Variants in RBFOX1 observed in about 807,000 individuals in gnomAD.
RBFOX1 encodes RNA binding protein fox-1 homolog 1.
Under a neutral mutation model 57.7 loss-of-function variants are expected in RBFOX1, and 8 were observed. The ratio of observed to expected loss-of-function variants is 0.14; its 90% CI spans 0.08 to 0.25. RBFOX1 has a LOEUF of 0.25. Ranked by LOEUF, RBFOX1 falls within the 10% of genes least tolerant of loss-of-function variation. The pLI, the probability that RBFOX1 is intolerant of heterozygous loss-of-function variation, is 1.00. For missense variants in RBFOX1, 611 were observed against 548.5 expected (o/e 1.11, Z -1.14); for synonymous variants, 326 against 222.4 (o/e 1.47, Z -4.15).
intron 1 of RBFOX1, among the ~76,000 whole-genome samples, chr16:6,189,458 G>A (rs1210019991): frequency 2.0e-5 from 3 of 152,156 alleles, no homozygotes; most frequent in South Asian, 2.1e-4. Context: ...TTGGGTTGCC[G>A]GGGCTAATTG....
At chr16:6,968,062 C>G (rs141419175) in intron 3 of RBFOX1, among the ~76,000 whole-genome samples, 2 of 152,244 alleles carry the variant, frequency 1.3e-5, no homozygotes, top group East Asian at 1.9e-4. Context: ...GTGCTTGGGT[C>G]TGACCCTCGG....
chr16:6,907,009 C>G (rs766418493), intron 3 of RBFOX1, among the ~76,000 whole-genome samples: 7 of 152,124 alleles, frequency 4.6e-5, no homozygotes, highest in Non-Finnish European at 8.8e-5. Flanking sequence ...CAGGCATGAG[C>G]CACCGCACCC....
intron 2 of RBFOX1, among the ~76,000 whole-genome samples, chr16:6,450,837 GTGTATATATATATATATATATATATA>G (rs2094598264): frequency 2.8e-4 from 6 of 21,726 alleles, no homozygotes; most frequent in Admixed American, 1.4e-3. Context: ...ATATATATAT[GTGTATATATATATATATATATATATA>G]TATATATATA....
chr16:7,143,192 A>T (rs531720891), intron 4 of RBFOX1, among the ~76,000 whole-genome samples: 1 of 152,218 alleles, frequency 6.6e-6, no homozygotes, highest in Non-Finnish European at 1.5e-5. Context: ...AAGGCATCTG[A>T]TTCAGGGTGA....
At chr16:7,453,023 G>T (rs947099489) in intron 4 of RBFOX1, among the ~76,000 whole-genome samples, 1 of 151,940 alleles carries the variant, frequency 6.6e-6, no homozygotes, top group African/African-American at 2.4e-5. Context: ...CAGCTACTAG[G>T]GGGGCTGAGG....
intron 3 of RBFOX1, among the ~76,000 whole-genome samples, chr16:6,663,688 G>C (rs886904931): frequency 2.6e-5 from 4 of 152,228 alleles, no homozygotes; most frequent in African/African-American, 7.2e-5. Flanking sequence ...AATGTCCTTT[G>C]TTTAAGGCCG....
intron 11 of RBFOX1, among the ~76,000 whole-genome samples, chr16:7,651,807 T>C (rs551026112): frequency 6.6e-6 from 1 of 152,372 alleles, no homozygotes; most frequent in East Asian, 1.9e-4. Flanking sequence ...GCTGTGGCTC[T>C]CCTGGGACAG....
chr16:6,882,525 C>G (rs1242459571), intron 3 of RBFOX1, among the ~76,000 whole-genome samples: 1 of 151,980 alleles, frequency 6.6e-6, no homozygotes, highest in East Asian at 1.9e-4. Context: ...ACTTAGGAGG[C>G]AGGGAGGTTG....
intron 2 of RBFOX1, among the ~76,000 whole-genome samples, chr16:5,527,807 A>G (rs749171476): frequency 6.6e-5 from 10 of 152,148 alleles, no homozygotes; most frequent in Non-Finnish European, 1.2e-4. Flanking sequence ...ACAACCCATC[A>G]TTGTGGACCT....
chr16:6,839,957 C>A (rs1345915267), intron 3 of RBFOX1, among the ~76,000 whole-genome samples: 1 of 152,098 alleles, frequency 6.6e-6, no homozygotes, highest in African/African-American at 2.4e-5. Context: ...AGCCTGTTTT[C>A]CTGTTTTCTT....
intron 9 of RBFOX1, among the ~76,000 whole-genome samples, chr16:7,600,110 A>G (rs896932750): frequency 1.3e-5 from 2 of 152,290 alleles, no homozygotes; most frequent in African/African-American, 4.8e-5. Flanking sequence ...TGGCATGCAC[A>G]TCCCATGTCC....
chr16:6,987,516 C>G (rs1395924593), intron 3 of RBFOX1, among the ~76,000 whole-genome samples: 1 of 148,950 alleles, frequency 6.7e-6, no homozygotes, highest in Non-Finnish European at 1.5e-5. Context: ...GAGGCATGCC[C>G]CACACATTGC....
At chr16:7,365,811 A>T (rs914337659) in intron 4 of RBFOX1, among the ~76,000 whole-genome samples, 1 of 152,232 alleles carries the variant, frequency 6.6e-6, no homozygotes, top group African/African-American at 2.4e-5. Flanking sequence ...AACAGGGAAG[A>T]TACAGGTATC....
At chr16:6,426,639 A>G (rs1202917367) in intron 2 of RBFOX1, among the ~76,000 whole-genome samples, 1 of 152,176 alleles carries the variant, frequency 6.6e-6, no homozygotes, top group Non-Finnish European at 1.5e-5. Flanking sequence ...TCAAAAATCA[A>G]AACAAACCTA....
intron 3 of RBFOX1, among the ~76,000 whole-genome samples, chr16:6,961,085 G>T (rs905400408): frequency 6.7e-6 from 1 of 149,896 alleles, no homozygotes; most frequent in African/African-American, 2.5e-5. Flanking sequence ...GGGAGTTGCA[G>T]TGAGCCGAGA....
chr16:7,379,509 A>C (rs1596951502), intron 4 of RBFOX1, among the ~76,000 whole-genome samples: 1 of 152,230 alleles, frequency 6.6e-6, no homozygotes, highest in South Asian at 2.1e-4. Context: ...TTACTAAAAA[A>C]TTTAAAATAC....
intron 3 of RBFOX1, among the ~76,000 whole-genome samples, chr16:5,756,343 G>C (rs72766931): frequency 2.0e-5 from 3 of 151,836 alleles, no homozygotes; most frequent in Non-Finnish European, 4.4e-5. Context: ...GCAAACTGTA[G>C]GACTTAACCT....
intron 3 of RBFOX1, among the ~76,000 whole-genome samples, chr16:6,781,403 T>G (rs1465847899): frequency 6.6e-6 from 1 of 152,128 alleles, no homozygotes; most frequent in Non-Finnish European, 1.5e-5. Flanking sequence ...TCGTTGTGTA[T>G]TTGTCTAGTT....
chr16:7,333,832 T>G (rs1455315190), intron 4 of RBFOX1, among the ~76,000 whole-genome samples: 1 of 152,154 alleles, frequency 6.6e-6, no homozygotes, highest in Non-Finnish European at 1.5e-5. Context: ...CGTTTATGTC[T>G]GAAGTTCTCC....
Sources: gnomAD v4.1 joint callset for allele counts (sites outside exome capture counted in the v4.1 genomes callset) on GRCh38, gnomAD v4.1.1 for gene constraint, MANE v1.5 for transcripts, NCBI Gene and HGNC (gene_info 2026-07-23, HGNC 2026-07-21) for gene names.